The following MAPKAP1 variants were observed in gnomAD, a reference collection of about 807,000 sequenced individuals.
MAPKAP1 encodes the protein target of rapamycin complex 2 subunit MAPKAP1.
A neutral mutation model predicts 65.7 loss-of-function variants in MAPKAP1; 20 were observed. The ratio of observed to expected loss-of-function variants is 0.30; its 90% CI spans 0.21 to 0.44. The LOEUF (loss-of-function observed/expected upper bound fraction) is 0.44, where lower values mean the gene tolerates loss of function less well. MAPKAP1 is among the 20% of genes least tolerant of loss of function. The pLI is 1.00. For missense variants in MAPKAP1, 423 were observed against 648.0 expected, an observed-to-expected ratio of 0.65 and a Z score of 3.77; for synonymous variants, 222 against 244.3, an observed-to-expected ratio of 0.91 and a Z score of 0.85.
chr9:125,643,099 C>A (rs1383824196), intron 4 of MAPKAP1, among the ~76,000 whole-genome samples: 1 of 151,916 alleles, frequency 6.6e-6, no homozygotes, highest in African/African-American at 2.4e-5. Context: ...GGGGTTTCAC[C>A]AAGTTGCCCA....
chr9:125,482,721 CTTAAAG>C (rs1854363493), intron 9 of MAPKAP1, among the ~76,000 whole-genome samples: 1 of 152,070 alleles, frequency 6.6e-6, no homozygotes, highest in African/African-American at 2.4e-5. Flanking sequence ...TGTCATTTCA[CTTAAAG>C]TTACAGTTTC....
At chr9:125,445,899 C>A (rs1852695645) in intron 10 of MAPKAP1, among the ~76,000 whole-genome samples, 1 of 151,884 alleles carries the variant, frequency 6.6e-6, no homozygotes. Flanking sequence ...TTCAGTAAAC[C>A]TTCCTAGACC....
At chr9:125,577,476 G>A (rs1831458701) in intron 5 of MAPKAP1, among the ~76,000 whole-genome samples, 1 of 146,282 alleles carries the variant, frequency 6.8e-6, no homozygotes, top group African/African-American at 2.5e-5. Context: ...CCCCGTCTGG[G>A]AGGTGAGGGG....
At chr9:125,698,558 T>C (rs985422617) in intron 1 of MAPKAP1, among the ~76,000 whole-genome samples, 74 of 151,616 alleles carry the variant, frequency 4.9e-4, no homozygotes, top group African/African-American at 1.7e-3. Flanking sequence ...GCCAGGCTGG[T>C]CTCGAACTCC....
At position 125,439,438 on chromosome 9, in the gene MAPKAP1, C is replaced by T. The variant is rs531872368; in HGVS notation, c.1444-426G>A. Reference sequence around the variant, plus strand: ...CGAGAACACAGGGATGAAAAGCAAACCAAGACAGGCTCTCCATCCAGCCTC... The same window carrying T: ...CGAGAACACAGGGATGAAAAGCAAATCAAGACAGGCTCTCCATCCAGCCTC... On this transcript the variant is annotated intron_variant, in intron 11 of 11. Transcript: ENST00000265960. This position sits in a 1 kb window ranked among gnomAD's most constrained non-coding sequence, Gnocchi z 4.0. Among the ~76,000 whole-genome samples, 60 of 152,168 alleles carry T rather than the reference C, an allele frequency of 3.9e-4. No homozygotes were observed. The highest frequency in any genetic ancestry group is 7.4e-4 in the Non-Finnish European group (50 of 68,014).
chr9:125,577,673 AGGGAGGT>A (rs1831478546), intron 5 of MAPKAP1, among the ~76,000 whole-genome samples: 1 of 7,322 alleles, frequency 1.4e-4, no homozygotes, highest in Admixed American at 1.4e-3. Context: ...GGGGTCCGGG[AGGGAGGT>A]GGGGGGGTCA....
chr9:125,541,667 C>T (rs1305284373), intron 7 of MAPKAP1, among the ~76,000 whole-genome samples: 1 of 152,062 alleles, frequency 6.6e-6, no homozygotes, highest in Non-Finnish European at 1.5e-5. Flanking sequence ...AAGTTTGACC[C>T]CCACGCAATG....
intron 6 of MAPKAP1, among the ~76,000 whole-genome samples, chr9:125,550,209 TCA>T (rs1174346928): frequency 2.0e-5 from 3 of 152,170 alleles, no homozygotes; most frequent in Non-Finnish European, 2.9e-5. Flanking sequence ...CTGAGAAGCA[TCA>T]CAGTTTTTTT....
intron 4 of MAPKAP1, 131 bp downstream of exon 4, chr9:125,657,516 TGTAA>T (rs1834065549): frequency 5.1e-6 from 4 of 787,812 alleles, no homozygotes; most frequent in Admixed American, 3.1e-5. Flanking sequence ...TCTTAGAAAA[TGTAA>T]GTGACATTCT....
At chr9:125,470,367 T>C (rs565170000) in intron 9 of MAPKAP1, among the ~76,000 whole-genome samples, 2 of 152,248 alleles carry the variant, frequency 1.3e-5, no homozygotes, top group African/African-American at 4.8e-5. Flanking sequence ...CAAATCTGGG[T>C]CCATTTAGCA....
intron 7 of MAPKAP1, among the ~76,000 whole-genome samples, chr9:125,509,402 TTTTG>T (rs1829236727): frequency 1.3e-5 from 2 of 152,236 alleles, no homozygotes; most frequent in African/African-American, 4.8e-5. Context: ...CTTTGTGTTT[TTTTG>T]TATTTTTCAA....
At chr9:125,695,682 C>T (rs1835361765) in intron 1 of MAPKAP1, among the ~76,000 whole-genome samples, 1 of 151,998 alleles carries the variant, frequency 6.6e-6, no homozygotes, top group African/African-American at 2.4e-5. Context: ...AAAAAACAAA[C>T]CTAACTGGCC....
At chr9:125,592,519 T>C (rs1831994393) in intron 4 of MAPKAP1, among the ~76,000 whole-genome samples, 1 of 152,186 alleles carries the variant, frequency 6.6e-6, no homozygotes, top group African/African-American at 2.4e-5. Context: ...AAGAGTACCA[T>C]TCAGGGCTTA....
intron 4 of MAPKAP1, among the ~76,000 whole-genome samples, chr9:125,641,256 A>C (rs1833569508): frequency 6.6e-6 from 1 of 152,206 alleles, no homozygotes; most frequent in South Asian, 2.1e-4. Flanking sequence ...TAGCCATTCA[A>C]AATTTTCTGA....
At chr9:125,524,800 A>G (rs1174042553) in intron 7 of MAPKAP1, among the ~76,000 whole-genome samples, 1 of 152,212 alleles carries the variant, frequency 6.6e-6, no homozygotes, top group African/African-American at 2.4e-5. Context: ...CCTCTCTGCT[A>G]ATGTCAGATG....
At chr9:125,659,380 G>A (rs1028001098) in intron 3 of MAPKAP1, among the ~76,000 whole-genome samples, 2 of 152,278 alleles carry the variant, frequency 1.3e-5, no homozygotes, top group Non-Finnish European at 1.5e-5. Context: ...GTGATGCTAT[G>A]ATTAACCCTT....
intron 10 of MAPKAP1, among the ~76,000 whole-genome samples, chr9:125,459,184 G>A (rs1266672573): frequency 4.8e-5 from 7 of 146,126 alleles, no homozygotes; most frequent in South Asian, 2.3e-4. Context: ...ACGGGGCGGC[G>A]GGGCAGAGGC....
chr9:125,585,416 C>A (rs193109520), intron 5 of MAPKAP1, 139 bp downstream of exon 5: 680 of 829,652 alleles, frequency 8.2e-4, no homozygotes, highest in Middle Eastern at 1.2e-3. Flanking sequence ...AGGCGCGAGA[C>A]CTGGTGAGCA....
At chr9:125,472,141 C>T (rs1853947496) in intron 9 of MAPKAP1, among the ~76,000 whole-genome samples, 4 of 152,206 alleles carry the variant, frequency 2.6e-5, no homozygotes, top group Admixed American at 2.6e-4. Flanking sequence ...TGTGTCCCCT[C>T]AGCCACTACA....
Sources: allele counts gnomAD v4.1 joint callset (sites outside exome capture counted in the v4.1 genomes callset), GRCh38; gene constraint gnomAD v4.1.1; non-coding constraint Gnocchi (gnomAD v3.1); transcripts MANE v1.5; gene names NCBI Gene and HGNC (gene_info 2026-07-23, HGNC 2026-07-21).